The following ANO1 variants were observed in gnomAD, a reference collection of about 807,000 sequenced individuals.
The protein encoded by ANO1 is anoctamin-1.
In ANO1, 59 loss-of-function variants were observed where a neutral mutation model predicts 124.0. The observed-to-expected ratio is 0.48, with a 90% confidence interval of 0.39 to 0.59. The LOEUF (loss-of-function observed/expected upper bound fraction) is 0.59. ANO1 is among the 20% of genes least tolerant of loss of function. The probability of loss-of-function intolerance (pLI) is 0.00; values close to 1 mark genes in which losing one functional copy is unlikely to be tolerated. For synonymous variants in ANO1, 529 were observed against 532.0 expected (o/e 0.99, Z 0.08); for missense variants, 1,059 against 1,328.0 (o/e 0.80, Z 3.15).
Position 70,165,242 on chromosome 11 carries a change from G to A in ANO1, c.1951-228G>A. On this transcript the variant is annotated intron_variant, in intron 19 of 25. Coordinates refer to ENST00000355303, the MANE Select transcript of ANO1 (RefSeq NM_018043.7). ...TCTGAGGACATCAGTCCTCAGATGG[G>A]CGCCCCATCTGAAAACACCCCAGCA... 4 of 551,084 alleles carry A rather than the reference G, an allele frequency of 7.3e-6. No individual in the cohort carries two copies. The East Asian group carries it at 1.3e-4, about 18-fold the overall frequency. The allele number at this position is 551,084 out of a possible 1,614,324, so 34.1% of individuals were successfully genotyped here. A position where few individuals can be genotyped will look rare whatever the true frequency, so the allele number is the denominator to read the frequency against.
intron 19 of ANO1, among the ~76,000 whole-genome samples, chr11:70,164,775 G>A (rs2048188093): frequency 6.6e-6 from 1 of 152,196 alleles, no homozygotes; most frequent in African/African-American, 2.4e-5. Flanking sequence ...TGCCTCCTGT[G>A]GGGCTCAGCC....
intron 22 of ANO1, among the ~76,000 whole-genome samples, chr11:70,174,625 G>A (rs1210700850): frequency 2.0e-5 from 3 of 152,078 alleles, no homozygotes; most frequent in Admixed American, 6.5e-5. Flanking sequence ...AGGGAACCCC[G>A]GGAGGAAGCC....
chr11:70,152,598 C>A, intron 13 of ANO1, 137 bp downstream of exon 13: 4 of 1,017,646 alleles, frequency 3.9e-6, no homozygotes, highest in Non-Finnish European at 6.0e-6. Flanking sequence ...GCTTTCTCCC[C>A]ACCTCCGGTC....
intron 1 of ANO1, among the ~76,000 whole-genome samples, chr11:70,069,402 T>C (rs113192735): frequency 7.7e-4 from 117 of 152,070 alleles, no homozygotes; most frequent in Admixed American, 2.6e-3. Flanking sequence ...AGTCAAATAG[T>C]GGAGTGAAAA....
chr11:70,174,535 T>C (rs79664737), intron 22 of ANO1, among the ~76,000 whole-genome samples: 17,581 of 152,274 alleles, frequency 0.12, 1,107 homozygotes, highest in Middle Eastern at 0.16. Context: ...TGCCTCAGCA[T>C]AGCGCTGCTT....
intron 1 of ANO1, among the ~76,000 whole-genome samples, chr11:70,083,611 C>G (rs2044266414): frequency 1.3e-5 from 2 of 152,256 alleles, no homozygotes; most frequent in South Asian, 2.1e-4. Flanking sequence ...TTTGGCCACT[C>G]CTTAGTGTAA....
intron 22 of ANO1, among the ~76,000 whole-genome samples, chr11:70,176,845 C>T (rs2048720570): frequency 6.6e-6 from 1 of 152,128 alleles, no homozygotes; most frequent in Non-Finnish European, 1.5e-5. Flanking sequence ...TGAGTGTCAC[C>T]CTGGAATGTG....
chr11:70,068,502 T>C (rs1022481348), intron 1 of ANO1, among the ~76,000 whole-genome samples: 9 of 152,098 alleles, frequency 5.9e-5, no homozygotes, highest in African/African-American at 2.2e-4. Flanking sequence ...AGTTGTCAGA[T>C]AACAGATGCG....
chr11:70,068,055 A>G (rs1857777660), intron 1 of ANO1, among the ~76,000 whole-genome samples: 1 of 152,216 alleles, frequency 6.6e-6, no homozygotes, highest in South Asian at 2.1e-4. Flanking sequence ...AGAAAAACCC[A>G]GCCCACCTCC....
At chr11:69,967,399 T>A in the ANO1 span, among the ~76,000 whole-genome samples, 3 of 152,226 alleles carry the variant, frequency 2.0e-5, no homozygotes, top group Non-Finnish European at 4.4e-5. Context: ...CACCTGAGCT[T>A]CATCAGGTCC....
At chr11:70,064,926 T>G (rs1263096609) in intron 1 of ANO1, 1 of 152,280 alleles carries the variant, frequency 6.6e-6, no homozygotes, top group Non-Finnish European at 1.5e-5. Flanking sequence ...AGAAGGACCC[T>G]CCAGAGCTCA....
At chr11:70,007,690 T>A (rs1856520618) in intron 1 of ANO1, among the ~76,000 whole-genome samples, 2 of 152,362 alleles carry the variant, frequency 1.3e-5, no homozygotes, top group South Asian at 4.1e-4. Flanking sequence ...CTTGCCTGGC[T>A]ATTTCCAATA....
At chr11:70,028,442 C>T (rs1261364775) in intron 1 of ANO1, among the ~76,000 whole-genome samples, 1 of 150,372 alleles carries the variant, frequency 6.7e-6, no homozygotes, top group Non-Finnish European at 1.5e-5. Context: ...TCCTGACTGG[C>T]TCCTTCTGCC....
intron 8 of ANO1, among the ~76,000 whole-genome samples, chr11:70,123,888 G>C (rs1284714924): frequency 6.6e-6 from 1 of 152,162 alleles, no homozygotes; most frequent in Non-Finnish European, 1.5e-5. Flanking sequence ...AAAGCCTGGG[G>C]GGGTAACAGG....
the ANO1 span, among the ~76,000 whole-genome samples, chr11:69,978,382 T>TC: frequency 6.6e-6 from 1 of 152,078 alleles, no homozygotes; most frequent in African/African-American, 2.4e-5. Context: ...CAGGCCTCAC[T>TC]CCCGGTAGTG....
the ANO1 span, among the ~76,000 whole-genome samples, chr11:69,971,959 A>T: frequency 1.3e-5 from 2 of 152,042 alleles, no homozygotes; most frequent in Non-Finnish European, 2.9e-5. Context: ...GGTGGCTCAC[A>T]CCTGTAATCT....
intron 4 of ANO1, among the ~76,000 whole-genome samples, chr11:70,105,072 G>A (rs2045457158): frequency 6.6e-6 from 1 of 152,040 alleles, no homozygotes; most frequent in Admixed American, 6.5e-5. Context: ...CCTCCTTCCA[G>A]GACCCCCGCC....
chr11:70,152,570 C>A, intron 13 of ANO1, 109 bp downstream of exon 13: 2 of 1,307,486 alleles, frequency 1.5e-6, no homozygotes, highest in Non-Finnish European at 1.1e-6. Flanking sequence ...GCAGTTCCTC[C>A]ACGCGGGTGG....
chr11:70,055,984 C>T (rs1458633861), intron 1 of ANO1, among the ~76,000 whole-genome samples: 3 of 151,298 alleles, frequency 2.0e-5, no homozygotes, highest in African/African-American at 7.4e-5. Flanking sequence ...TCCCACCCCA[C>T]CTTTTGTTTA....
Sources: gnomAD v4.1 joint callset for allele counts (sites outside exome capture counted in the v4.1 genomes callset) on GRCh38, gnomAD v4.1.1 for gene constraint, MANE v1.5 for transcripts, NCBI Gene and HGNC (gene_info 2026-07-23, HGNC 2026-07-21) for gene names.